The following MAST4 variants were observed in gnomAD, a reference collection of about 807,000 sequenced individuals.
The protein encoded by MAST4 is microtubule associated serine/threonine kinase family member 4.
A neutral mutation model predicts 162.7 loss-of-function variants in MAST4; 89 were observed. The ratio of observed to expected loss-of-function variants is 0.55; its 90% CI spans 0.46 to 0.65. The LOEUF (loss-of-function observed/expected upper bound fraction) is 0.65, where lower values mean the gene tolerates loss of function less well. Ranked by LOEUF, MAST4 falls within the 30% of genes least tolerant of loss-of-function variation. The pLI, the probability that MAST4 is intolerant of heterozygous loss-of-function variation, is 0.00. For missense variants in MAST4, 3,153 were observed against 3,374.0 expected, an observed-to-expected ratio of 0.93 and a Z score of 1.62; for synonymous variants, 1,479 against 1,361.1, an observed-to-expected ratio of 1.09 and a Z score of -1.91.
At chr5:67,113,175 G>T (rs1316448993) in intron 11 of MAST4, among the ~76,000 whole-genome samples, 3 of 151,904 alleles carry the variant, frequency 2.0e-5, no homozygotes, top group African/African-American at 4.8e-5. Flanking sequence ...TTAGCCGGGC[G>T]TGGTGGTGGG....
chr5:66,962,884 T>C (rs767503726), intron 4 of MAST4, among the ~76,000 whole-genome samples: 14 of 152,226 alleles, frequency 9.2e-5, no homozygotes, highest in Non-Finnish European at 1.9e-4. Context: ...CATGCTTTAA[T>C]AGATCTATTA....
chr5:66,969,561 G>A (rs1175201917), intron 4 of MAST4, among the ~76,000 whole-genome samples: 5 of 152,204 alleles, frequency 3.3e-5, no homozygotes, highest in Admixed American at 6.5e-5. Flanking sequence ...GGCATCCAGC[G>A]TAATTCTCAC....
At chr5:67,015,060 C>T (rs1446686669) in intron 4 of MAST4, among the ~76,000 whole-genome samples, 1 of 152,136 alleles carries the variant, frequency 6.6e-6, no homozygotes, top group African/African-American at 2.4e-5. Flanking sequence ...GGTTGGAAAT[C>T]CATGAGGGAA....
chr5:66,893,400 C>G (rs1237194536), intron 3 of MAST4, among the ~76,000 whole-genome samples: 15 of 138,260 alleles, frequency 1.1e-4, no homozygotes, highest in Admixed American at 7.5e-5. Context: ...GTGTGTGTGT[C>G]TTTTTTTTGG....
chr5:67,163,909 A>G lies in MAST4; in HGVS notation c.4730A>G (p.Tyr1577Cys), dbSNP rs1260308434. The G allele has an allele frequency of 3.7e-6, 6 of 1,613,900 alleles. No homozygotes were observed. In the East Asian group the frequency reaches 8.9e-5, roughly 24 times the overall value. Residue 1577 changes from tyrosine to cysteine, a missense_variant, in exon 29 of 29, where the codon TAT becomes TGT. This residue lies in a region of MAST4 where 1,644 missense variants were observed against 1,495.0 expected (regional missense o/e 1.10). Coordinates refer to ENST00000403625, the MANE Select transcript of MAST4 (RefSeq NM_001164664.2). This position sits in a 1 kb window ranked among gnomAD's most constrained non-coding sequence, Gnocchi z 7.0. The part of the protein sequence containing the change: ...FKLEEREKKV[Y>C]PKAVERSSTF... ...CTGGAAGAGAGAGAGAAGAAAGTCT[A>G]TCCGAAGGCTGTGGAAAGGTCAAGT...
At chr5:67,032,834 CT>C (rs1755518824) in intron 4 of MAST4, among the ~76,000 whole-genome samples, 1 of 151,902 alleles carries the variant, frequency 6.6e-6, no homozygotes, top group Non-Finnish European at 1.5e-5. Flanking sequence ...CACAAACACA[CT>C]TATAGTAACT....
rs567070793 is a variant in MAST4, at chr5:66,923,391, G to A, written c.674+23409G>A. Among the ~76,000 whole-genome samples the A allele has an allele frequency of 3.3e-5, 5 of 152,290 alleles. No homozygotes were observed. In the East Asian group the frequency reaches 7.7e-4, roughly 23 times the overall value. On this transcript the variant is annotated intron_variant, in intron 4 of 28. Coordinates refer to ENST00000403625, the MANE Select transcript of MAST4 (RefSeq NM_001164664.2). ...ACTCTCCCATCTTCAAGGGTCAGCCGAAGATAATCGAGACAGGTGTTGGTC... is the reference window on the plus strand; with the variant it reads ...ACTCTCCCATCTTCAAGGGTCAGCCAAAGATAATCGAGACAGGTGTTGGTC...
chr5:66,781,447 T>C (rs1448239739), intron 2 of MAST4, among the ~76,000 whole-genome samples: 1 of 152,248 alleles, frequency 6.6e-6, no homozygotes, highest in Admixed American at 6.5e-5. Flanking sequence ...GTCTGCCTGC[T>C]CATGGCACCA....
chr5:66,704,038 A>G (rs1376732823), intron 1 of MAST4, among the ~76,000 whole-genome samples: 1 of 152,186 alleles, frequency 6.6e-6, no homozygotes, highest in Non-Finnish European at 1.5e-5. Context: ...CAAATAGACT[A>G]GGTTTCATTA....
At chr5:66,878,955 A>T (rs1207038817) in intron 3 of MAST4, among the ~76,000 whole-genome samples, 1 of 152,240 alleles carries the variant, frequency 6.6e-6, no homozygotes, top group Non-Finnish European at 1.5e-5. Context: ...GCTCATACGC[A>T]TAGGAAATGA....
At chr5:67,112,248 T>C (rs1462070644) in intron 11 of MAST4, among the ~76,000 whole-genome samples, 1 of 152,178 alleles carries the variant, frequency 6.6e-6, no homozygotes, top group Non-Finnish European at 1.5e-5. Flanking sequence ...CCTTTGGGCA[T>C]AGAGGAAAAA....
intron 5 of MAST4, among the ~76,000 whole-genome samples, chr5:67,068,712 A>G (rs1428559354): frequency 6.6e-6 from 1 of 152,106 alleles, no homozygotes; most frequent in Non-Finnish European, 1.5e-5. Context: ...TTTTTTGTTT[A>G]CAGTCATTTT....
intron 4 of MAST4, among the ~76,000 whole-genome samples, chr5:66,916,202 A>G (rs1004875983): frequency 1.3e-5 from 2 of 152,264 alleles, no homozygotes; most frequent in African/African-American, 4.8e-5. Flanking sequence ...AGAAAATTTT[A>G]AATTGTATAA....
intron 3 of MAST4, among the ~76,000 whole-genome samples, chr5:66,811,900 A>G (rs1756497793): frequency 6.6e-6 from 1 of 152,242 alleles, no homozygotes; most frequent in Admixed American, 6.5e-5. Context: ...TGGTGACTTT[A>G]GGAATCAATA....
At chr5:66,643,253 T>TCC (rs1745605043) in intron 1 of MAST4, among the ~76,000 whole-genome samples, 5 of 152,170 alleles carry the variant, frequency 3.3e-5, no homozygotes, top group Non-Finnish European at 7.4e-5. Flanking sequence ...GAAGGGACTA[T>TCC]TTGGACTTCC....
chr5:66,801,223 C>T (rs1028085873), intron 3 of MAST4, among the ~76,000 whole-genome samples: 7 of 151,996 alleles, frequency 4.6e-5, no homozygotes, highest in Admixed American at 1.3e-4. Flanking sequence ...ACTAGGAAAC[C>T]GTTAGAGAGG....
intron 4 of MAST4, among the ~76,000 whole-genome samples, chr5:66,906,423 G>T (rs183582859): frequency 6.6e-6 from 1 of 152,258 alleles, no homozygotes; most frequent in Admixed American, 6.5e-5. Flanking sequence ...CTCTGAGAGT[G>T]GTTGGAGTCT....
chr5:66,622,684 G>A (rs1435259277), intron 1 of MAST4, among the ~76,000 whole-genome samples: 1 of 152,150 alleles, frequency 6.6e-6, no homozygotes, highest in African/African-American at 2.4e-5. Flanking sequence ...ACTTGACAGG[G>A]TTTGCTCACA....
intron 3 of MAST4, among the ~76,000 whole-genome samples, chr5:66,816,764 C>G (rs1481143217): frequency 3.3e-5 from 5 of 152,188 alleles, no homozygotes; most frequent in African/African-American, 7.2e-5. Flanking sequence ...TCCTCTACCC[C>G]ACTTAGAATT....
Sources: allele counts gnomAD v4.1 joint callset (sites outside exome capture counted in the v4.1 genomes callset), GRCh38; gene constraint gnomAD v4.1.1; regional missense constraint gnomAD v4.1.1; non-coding constraint Gnocchi (gnomAD v3.1); transcripts MANE v1.5; gene names NCBI Gene and HGNC (gene_info 2026-07-23, HGNC 2026-07-21).